Variants in BCAS3 observed in about 807,000 individuals in gnomAD.
The protein encoded by BCAS3 is BCAS3 microtubule associated cell migration factor, also known as BCAS4/BCAS3 fusion.
In BCAS3, 53 loss-of-function variants were observed where a neutral mutation model predicts 116.1. That is an observed-to-expected ratio of 0.46 (90% CI 0.37 to 0.57). The LOEUF (loss-of-function observed/expected upper bound fraction) is 0.57, where lower values mean the gene tolerates loss of function less well. Ranked by LOEUF, BCAS3 falls within the 20% of genes least tolerant of loss-of-function variation. BCAS3 has a pLI of 0.00. For synonymous variants in BCAS3, 391 were observed against 408.2 expected (o/e 0.96, Z 0.51); for missense variants, 917 against 1,165.4 (o/e 0.79, Z 3.10).
intron 13 of BCAS3, among the ~76,000 whole-genome samples, chr17:60,936,950 A>C (rs2059963707): frequency 6.6e-6 from 1 of 152,150 alleles, no homozygotes; most frequent in African/African-American, 2.4e-5. Context: ...TATGTCCTGA[A>C]TGGTATTGCC....
rs2077532749 is a variant in BCAS3, at chr17:61,151,393, T to C, written c.2425+66829T>C. 8.2e-6 allele frequency among the ~76,000 whole-genome samples: 1 copy of C among 122,012 alleles called. No individual in the cohort carries two copies. The highest frequency in any genetic ancestry group is 7.5e-5 in the Admixed American group (1 of 13,358). The allele number at this position is 122,012 out of a possible 152,430, so 80.0% of individuals were successfully genotyped here. ...ACCTCCTCCTCCTGTTTTTTCCTAC[T>C]TTTTTTTTTTTTAACCTGTTAAGGT... is the stretch of plus-strand genomic sequence containing the variant. On this transcript the variant is annotated intron_variant, in intron 22 of 23. Transcript: ENST00000407086. This position sits in a 1 kb window ranked among gnomAD's most constrained non-coding sequence, Gnocchi z 4.8.
rs1312337016 is a variant in BCAS3 at position 61,130,899 on chromosome 17, T to C, written c.2425+46335T>C. On this transcript the variant is annotated intron_variant, in intron 22 of 23. Coordinates refer to ENST00000407086, the MANE Select transcript of BCAS3 (RefSeq NM_017679.5). The surrounding 1 kb of genome is among the most constrained non-coding windows in gnomAD (Gnocchi z 5.0). ...TGCAAAACCCCGTCTCTGCTAAAGA[T>C]ATAAAAATTAGCCTGGCCTGGTGGC... The C allele has an allele frequency of 1.3e-5, 2 of 152,094 alleles. No homozygotes were observed. Among genetic ancestry groups the C allele is most frequent in the East Asian group, 3.9e-4 (2 of 5,176 alleles). 9.4% of individuals were successfully genotyped at this position (152,094 alleles called of 1,614,324 possible). A position where few individuals can be genotyped will look rare whatever the true frequency, so the allele number is the denominator to read the frequency against.
At chr17:60,867,791 C>A (rs952182779) in intron 7 of BCAS3, among the ~76,000 whole-genome samples, 2 of 152,118 alleles carry the variant, frequency 1.3e-5, no homozygotes, top group African/African-American at 2.4e-5. Flanking sequence ...ATGCACAAGA[C>A]CTTCCATACT....
chr17:60,849,623 C>T (rs935910399), intron 7 of BCAS3, among the ~76,000 whole-genome samples: 2 of 152,132 alleles, frequency 1.3e-5, no homozygotes, highest in African/African-American at 4.8e-5. Flanking sequence ...GGTTCAACAG[C>T]AAGTGGTGCC....
chr17:61,184,150 A>G (rs990415691), intron 22 of BCAS3, among the ~76,000 whole-genome samples: 1 of 152,194 alleles, frequency 6.6e-6, no homozygotes, highest in African/African-American at 2.4e-5. Flanking sequence ...GCAGGAACCT[A>G]ACCCTGTTTT....
chr17:61,005,174 T>C (rs1309635967), intron 15 of BCAS3, among the ~76,000 whole-genome samples: 4 of 152,112 alleles, frequency 2.6e-5, no homozygotes, highest in African/African-American at 9.7e-5. Context: ...TTTGTAAAAG[T>C]AGGTTTTACG....
At chr17:60,803,649 G>A (rs1000484714) in intron 6 of BCAS3, among the ~76,000 whole-genome samples, 3 of 151,734 alleles carry the variant, frequency 2.0e-5, no homozygotes, top group African/African-American at 7.3e-5. Flanking sequence ...TCTGGCATTT[G>A]CCTTCTTATT....
rs1318691934 is a variant in BCAS3, at chr17:61,028,716, G to T, written c.1638-5950G>T. On this transcript the variant is annotated intron_variant, in intron 16 of 23. Transcript: ENST00000407086. This position sits in a 1 kb window ranked among gnomAD's most constrained non-coding sequence, Gnocchi z 4.3. ...ATTTGAGGTTGAAACAAGATTAAAA[G>T]AGCCAGATTAAAGAAAGGGATATAT... Among the ~76,000 whole-genome samples the T allele has an allele frequency of 6.6e-6, 1 of 151,894 alleles. No individual in the cohort carries two copies. Among genetic ancestry groups the T allele is most frequent in the Non-Finnish European group, 1.5e-5 (1 of 67,812 alleles).
At chr17:61,164,246 T>A (rs2078348102) in intron 22 of BCAS3, among the ~76,000 whole-genome samples, 1 of 152,126 alleles carries the variant, frequency 6.6e-6, no homozygotes. Flanking sequence ...AAAGAAATAC[T>A]ATGTTCAGGG....
chr17:60,770,109 G>A (rs1282530184), intron 6 of BCAS3, among the ~76,000 whole-genome samples: 1 of 152,070 alleles, frequency 6.6e-6, no homozygotes, highest in African/African-American at 2.4e-5. Context: ...AGCTGCAGCT[G>A]TTCAGGGCTT....
At chr17:61,306,050 G>A (rs1478562118) in intron 22 of BCAS3, among the ~76,000 whole-genome samples, 2 of 152,202 alleles carry the variant, frequency 1.3e-5, no homozygotes, top group Non-Finnish European at 2.9e-5. Context: ...CCCTTAACCA[G>A]AGTTCTGGAA....
intron 22 of BCAS3, among the ~76,000 whole-genome samples, chr17:61,289,076 C>G (rs932363086): frequency 1.9e-4 from 29 of 152,248 alleles, no homozygotes; most frequent in Admixed American, 1.6e-3. Flanking sequence ...ACCCCTTAGT[C>G]CACTTGTTGG....
chr17:61,286,871 T>G lies in BCAS3; in HGVS notation c.2426-81456T>G, dbSNP rs2144687607. ...CTTTATACTGCATTCATTCATTTAT[T>G]CATTCACTGAAACTTTATGGGCCAC... On this transcript the variant is annotated intron_variant, in intron 22 of 23. Transcript: ENST00000407086. The surrounding 1 kb of genome is among the most constrained non-coding windows in gnomAD (Gnocchi z 4.8). 6.6e-6 allele frequency among the ~76,000 whole-genome samples: 1 copy of G among 152,288 alleles called. No homozygotes were observed. Among genetic ancestry groups the G allele is most frequent in the African/African-American group, 2.4e-5 (1 of 41,576 alleles).
rs1480049440 is a variant in BCAS3 at position 61,327,889 on chromosome 17, G to A, written c.2426-40438G>A. 1.3e-5 allele frequency among the ~76,000 whole-genome samples: 2 copies of A among 152,208 alleles called. No individual in the cohort carries two copies. Among genetic ancestry groups the A allele is most frequent in the Non-Finnish European group, 2.9e-5 (2 of 68,042 alleles). Reference sequence around the variant, plus strand: ...AGGTGTGACTTTAAGGTTTGCAATGGTTGATCAGACACTGTTGGTGTAAAT... The same window carrying A: ...AGGTGTGACTTTAAGGTTTGCAATGATTGATCAGACACTGTTGGTGTAAAT... On this transcript the variant is annotated intron_variant, in intron 22 of 23. Transcript: ENST00000407086. This position sits in a 1 kb window ranked among gnomAD's most constrained non-coding sequence, Gnocchi z 5.9.
In BCAS3 at chr17:61,124,100, T is replaced by A. The variant is rs2075935216; in HGVS notation, c.2425+39536T>A. 1.3e-5 allele frequency among the ~76,000 whole-genome samples: 2 copies of A among 152,198 alleles called. No homozygotes were observed. Among genetic ancestry groups the A allele is most frequent in the Admixed American group, 6.5e-5 (1 of 15,296 alleles). On this transcript the variant is annotated intron_variant, in intron 22 of 23. Transcript: ENST00000407086. This position sits in a 1 kb window ranked among gnomAD's most constrained non-coding sequence, Gnocchi z 4.6. ...TATATATATATACATATATATGTTT[T>A]TATTATTTAACATTTGGAGGGAAGT...
chr17:60,994,231 C>T lies in BCAS3; in HGVS notation c.1486+3996C>T, dbSNP rs185548308. On this transcript the variant is annotated intron_variant, in intron 15 of 23. Coordinates refer to ENST00000407086, the MANE Select transcript of BCAS3 (RefSeq NM_017679.5). This position sits in a 1 kb window ranked among gnomAD's most constrained non-coding sequence, Gnocchi z 4.4. Reference sequence around the variant, plus strand: ...AATATATTTTAAAATATTGTTTTTACTCATCACTACTTTGAAATTATGATT... The same window carrying T: ...AATATATTTTAAAATATTGTTTTTATTCATCACTACTTTGAAATTATGATT... Among the ~76,000 whole-genome samples, 6 of 151,958 alleles carry T rather than the reference C, an allele frequency of 3.9e-5. No homozygotes were observed. Among genetic ancestry groups the T allele is most frequent in the African/African-American group, 1.4e-4 (6 of 41,466 alleles).
At chr17:61,298,810 ATTTATTTAT>A (rs1227349255) in intron 22 of BCAS3, among the ~76,000 whole-genome samples, 1 of 136,840 alleles carries the variant, frequency 7.3e-6, no homozygotes, top group African/African-American at 3.0e-5. Flanking sequence ...TTATTTATTT[ATTTATTTAT>A]TTATTATTAT....
At chr17:60,842,874 T>TA (rs1162704210) in intron 7 of BCAS3, among the ~76,000 whole-genome samples, 1 of 151,056 alleles carries the variant, frequency 6.6e-6, no homozygotes, top group African/African-American at 2.4e-5. Context: ...TTTTTTTTTT[T>TA]ATATTTTTAT....
chr17:60,849,281 CT>C (rs201004782), intron 7 of BCAS3, among the ~76,000 whole-genome samples: 1,981 of 139,488 alleles, frequency 0.014, 9 homozygotes, highest in Non-Finnish European at 0.017. Flanking sequence ...GTGTTCAGTT[CT>C]TTTTTTTTTT....
Sources: gnomAD v4.1 joint callset for allele counts (sites outside exome capture counted in the v4.1 genomes callset) on GRCh38, gnomAD v4.1.1 for gene constraint, Gnocchi (gnomAD v3.1) non-coding constraint, MANE v1.5 for transcripts, NCBI Gene and HGNC (gene_info 2026-07-23, HGNC 2026-07-21) for gene names.